ITGA8: variants seen among roughly 807,000 people sequenced by gnomAD.
ITGA8 encodes the protein integrin subunit alpha 8.
ITGA8 carries 91 observed loss-of-function variants against 142.3 expected under a neutral mutation model. That is an observed-to-expected ratio of 0.64 (90% CI 0.54 to 0.76). The LOEUF (loss-of-function observed/expected upper bound fraction) is 0.76, where lower values mean the gene tolerates loss of function less well. ITGA8 is among the 30% of genes least tolerant of loss of function. ITGA8 has a pLI of 0.00. For synonymous variants in ITGA8, 505 were observed against 485.2 expected (o/e 1.04, Z -0.54); for missense variants, 1,406 against 1,327.7 (o/e 1.06, Z -0.92).
At position 15,557,646 on chromosome 10, in the gene ITGA8, C is replaced by A. The variant is rs114362330; in HGVS notation, c.2766+428G>T. Among the ~76,000 whole-genome samples the A allele has an allele frequency of 7.9e-3, 1,208 of 152,296 alleles. 16 individuals are homozygous for A. Among genetic ancestry groups the A allele is most frequent in the African/African-American group, 0.027 (1,140 of 41,562 alleles). ...GGGATTACAGGTGTGAGCCACCATA[C>A]CCAGCCCTGAACACACCATTCTTGC... On this transcript the variant is annotated intron_variant, in intron 26 of 29. Coordinates refer to ENST00000378076, the MANE Select transcript of ITGA8 (RefSeq NM_003638.3).
rs1832979094 is a variant in ITGA8 at position 15,517,198 on chromosome 10, T to C, written c.3152A>G (p.Asp1051Gly). ...CTTGTCATTTGTCAGCTGTTCCCTG[T>C]CGGTCATGTCCTCCTGAGGAGGTCT... Reference protein sequence around the residue: ...RARPPQEDMTDREQLTNDKTP... With the variant: ...RARPPQEDMTGREQLTNDKTP... Residue 1051 changes from aspartate (D) to glycine (G), a missense_variant, in exon 30 of 30, where the codon GAC becomes GGC. Coordinates refer to ENST00000378076, the MANE Select transcript of ITGA8 (RefSeq NM_003638.3). 1 of 1,613,578 alleles carries C rather than the reference T, an allele frequency of 6.2e-7. No homozygotes were observed. The highest frequency in any genetic ancestry group is 1.3e-5 in the African/African-American group (1 of 74,898).
At position 15,672,620 on chromosome 10, in the gene ITGA8, T is replaced by A; in HGVS notation, c.802+4A>T. 6.2e-7 allele frequency: 1 copy of A among 1,611,556 alleles called. No homozygotes were observed. The highest frequency in any genetic ancestry group is 8.5e-7 in the Non-Finnish European group (1 of 1,179,050). On this transcript the variant is annotated splice_donor_region_variant and intron_variant, in intron 7 of 29. Transcript: ENST00000378076. ...CCACAAATGTCTTGGGCAATGGGTC[T>A]TACCAAGGTAACTGTCATCATAGGA...
At chr10:15,698,646 A>T (rs1380038755) in intron 2 of ITGA8, among the ~76,000 whole-genome samples, 1 of 152,042 alleles carries the variant, frequency 6.6e-6, no homozygotes, top group Non-Finnish European at 1.5e-5. Context: ...TTTGATTTGC[A>T]TTTCCCTGAT....
intron 6 of ITGA8, among the ~76,000 whole-genome samples, chr10:15,673,065 TTTTGTTTGTTTG>T (rs201950238): frequency 6.6e-6 from 1 of 152,044 alleles, no homozygotes; most frequent in Non-Finnish European, 1.5e-5. Context: ...GTGATGTAAT[TTTTGTTTGTTTG>T]TTTGTTTGTT....
chr10:15,546,327 TA>T (rs1309364729), intron 27 of ITGA8, among the ~76,000 whole-genome samples: 4 of 152,214 alleles, frequency 2.6e-5, no homozygotes, highest in Non-Finnish European at 5.9e-5. Flanking sequence ...ATTTCTCCTA[TA>T]ACTAGACCCT....
In ITGA8 at chr10:15,607,774, G is replaced by A. The variant is rs147309422; in HGVS notation, c.1667C>T (p.Thr556Met). 113 of 1,613,004 alleles carry A rather than the reference G, an allele frequency of 7.0e-5. No individual in the cohort carries two copies. The highest frequency in any genetic ancestry group is 9.5e-5 in the Non-Finnish European group (112 of 1,179,130). Reference sequence around the variant, plus strand: ...AGCCTGATGGTTATCAAGGAAGAGCGTCCGTTTAATAGCTCCTTTCTGTTT... The same window carrying A: ...AGCCTGATGGTTATCAAGGAAGAGCATCCGTTTAATAGCTCCTTTCTGTTT... Reference protein sequence around the residue: ...SLKQKGAIKRTLFLDNHQAHR... With the variant: ...SLKQKGAIKRMLFLDNHQAHR... Residue 556 changes from threonine to methionine, a missense_variant, in exon 17 of 30, where the codon ACG becomes ATG. Thr to Met is a moderately conservative substitution (Grantham distance 81, BLOSUM62 -1). Transcript: ENST00000378076.
At chr10:15,665,532 T>A (rs1588708517) in intron 8 of ITGA8, among the ~76,000 whole-genome samples, 1 of 150,484 alleles carries the variant, frequency 6.6e-6, no homozygotes, top group Non-Finnish European at 1.5e-5. Context: ...TAGATCCCAT[T>A]TGTCAATTTT....
intron 6 of ITGA8, among the ~76,000 whole-genome samples, chr10:15,676,013 T>A (rs975884472): frequency 1.3e-5 from 2 of 152,196 alleles, no homozygotes; most frequent in African/African-American, 4.8e-5. Flanking sequence ...AAATTTATGA[T>A]AAATTTTTTA....
rs574944903 is a variant in ITGA8, at chr10:15,699,625, G to A, written c.344-11587C>T. On this transcript the variant is annotated intron_variant, in intron 2 of 29. Transcript: ENST00000378076. ...TCCAGTTTTCCCACTTCTACTCTGA[G>A]CTCTGAACATTCATATATCCACCTC... Among the ~76,000 whole-genome samples the A allele has an allele frequency of 4.6e-4, 70 of 152,176 alleles. 3 individuals carry two copies. The South Asian group carries it at 0.013, about 29-fold the overall frequency.
chr10:15,692,895 G>T (rs1479649913), intron 2 of ITGA8, among the ~76,000 whole-genome samples: 2 of 152,096 alleles, frequency 1.3e-5, no homozygotes, highest in African/African-American at 4.8e-5. Flanking sequence ...TGGTGAAACT[G>T]TGTCTCTACT....
chr10:15,553,958 A>T (rs760850464), intron 26 of ITGA8, among the ~76,000 whole-genome samples: 3 of 151,896 alleles, frequency 2.0e-5, no homozygotes, highest in Non-Finnish European at 4.4e-5. Context: ...GCACCATTGC[A>T]CTCTGGCCTG....
At chr10:15,569,094 G>T (rs1255143203) in intron 25 of ITGA8, among the ~76,000 whole-genome samples, 1 of 152,196 alleles carries the variant, frequency 6.6e-6, no homozygotes, top group East Asian at 1.9e-4. Context: ...CCAGTGGGAA[G>T]TGGGCAACTT....
intron 27 of ITGA8, among the ~76,000 whole-genome samples, chr10:15,531,726 T>C (rs1833300302): frequency 6.6e-6 from 1 of 151,404 alleles, no homozygotes; most frequent in South Asian, 2.1e-4. Flanking sequence ...TCCCCTGAGG[T>C]CAGGAGTTTG....
At chr10:15,662,978 C>T (rs1053890228) in intron 8 of ITGA8, among the ~76,000 whole-genome samples, 1 of 152,160 alleles carries the variant, frequency 6.6e-6, no homozygotes, top group Non-Finnish European at 1.5e-5. Flanking sequence ...TGGAAGAAAG[C>T]TATGGATCCT....
chr10:15,555,698 TC>T lies in ITGA8; in HGVS notation c.2766+2375del, dbSNP rs1833873632. 9.3e-5 allele frequency among the ~76,000 whole-genome samples: 3 copies of T among 32,190 alleles called. No individual in the cohort carries two copies. In the South Asian group the frequency reaches 6.5e-3, roughly 70 times the overall value. The allele number at this position is 32,190 out of a possible 152,430, so 21.1% of individuals were successfully genotyped here. Reference sequence around the variant, plus strand: ...GTCTCTTCCACTTCTACCTCCACCTTCCCTTTTTTTTTTTTGAGACGGAGTC... The same window carrying T: ...GTCTCTTCCACTTCTACCTCCACCTTCCTTTTTTTTTTTTGAGACGGAGTC... On this transcript the variant is annotated intron_variant, in intron 26 of 29. Coordinates refer to ENST00000378076, the MANE Select transcript of ITGA8 (RefSeq NM_003638.3).
chr10:15,591,524 T>C (rs1832922386), intron 22 of ITGA8, among the ~76,000 whole-genome samples: 1 of 151,638 alleles, frequency 6.6e-6, no homozygotes, highest in African/African-American at 2.4e-5. Flanking sequence ...AGCCAATGGG[T>C]TTAAGTTCAC....
chr10:15,691,155 G>A (rs537430076), intron 2 of ITGA8, among the ~76,000 whole-genome samples: 3 of 152,140 alleles, frequency 2.0e-5, no homozygotes, highest in Admixed American at 6.5e-5. Context: ...CACTTGACCC[G>A]TGTTAGCAGG....
intron 23 of ITGA8, among the ~76,000 whole-genome samples, chr10:15,583,134 CT>C (rs1834444846): frequency 6.6e-6 from 1 of 152,148 alleles, no homozygotes; most frequent in South Asian, 2.1e-4. Context: ...TCCAGATAGA[CT>C]GGATAAAGAA....
Position 15,648,019 on chromosome 10 carries a change from C to G in ITGA8, c.1002-968G>C, listed in dbSNP as rs9333134. Reference sequence around the variant, plus strand: ...AAATTATTTAGAGATAAAGATATAACCACCTGGAGAAAAAATAAAAAAGTG... The same window carrying G: ...AAATTATTTAGAGATAAAGATATAAGCACCTGGAGAAAAAATAAAAAAGTG... On this transcript the variant is annotated intron_variant, in intron 11 of 29. Transcript: ENST00000378076. 1.9e-3 allele frequency among the ~76,000 whole-genome samples: 285 copies of G among 152,166 alleles called. 2 individuals carry two copies. Among genetic ancestry groups the G allele is most frequent in the African/African-American group, 5.8e-3 (240 of 41,534 alleles).
Sources: allele counts gnomAD v4.1 joint callset (sites outside exome capture counted in the v4.1 genomes callset), GRCh38; gene constraint gnomAD v4.1.1; transcripts MANE v1.5; gene names NCBI Gene and HGNC (gene_info 2026-07-23, HGNC 2026-07-21).